ADCY10: variants seen among roughly 807,000 people sequenced by gnomAD.
ADCY10 encodes the protein adenylate cyclase 10.
ADCY10 carries 156 observed loss-of-function variants against 183.3 expected under a neutral mutation model. The ratio of observed to expected loss-of-function variants is 0.85; its 90% CI spans 0.75 to 0.97. ADCY10 has a LOEUF of 0.97. Ranked by LOEUF, ADCY10 falls within the 50% of genes least tolerant of loss-of-function variation. The probability of loss-of-function intolerance (pLI) is 0.00; values close to 1 mark genes in which losing one functional copy is unlikely to be tolerated. For synonymous variants in ADCY10, 645 were observed against 670.0 expected (o/e 0.96, Z 0.58); for missense variants, 1,745 against 1,934.3 (o/e 0.90, Z 1.84).
Position 167,836,430 on chromosome 1 carries a change from A to T in ADCY10, c.3188T>A (p.Ile1063Asn). The change falls in exon 23 of 33, where the codon ATC becomes AAC. Residue 1063 changes from isoleucine (I) to asparagine (N), a missense_variant. Coordinates refer to ENST00000367851, the MANE Select transcript of ADCY10 (RefSeq NM_018417.6). ...CAGAGGCAAGATGACAATCTCTAGG[A>T]TTTCTTCACACTGGCAAGATTCCAG... ...IPLESCQCEE[I>N]LEIVILPLAH... 6.2e-7 allele frequency: 1 copy of T among 1,614,088 alleles called. No individual in the cohort carries two copies. Among genetic ancestry groups the T allele is most frequent in the East Asian group, 2.2e-5 (1 of 44,876 alleles).
intron 1 of ADCY10, among the ~76,000 whole-genome samples, chr1:167,912,080 A>G (rs144342614): frequency 6.6e-6 from 1 of 152,278 alleles, no homozygotes; most frequent in Non-Finnish European, 1.5e-5. Context: ...GTTCTGCAAC[A>G]TCACAAAATG....
At position 167,896,632 on chromosome 1, in the gene ADCY10, C is replaced by A; in HGVS notation, c.702G>T (p.Thr234=). The change falls in exon 7 of 33, where the codon ACG becomes ACT. Residue 234 remains threonine (T), a synonymous_variant. Coordinates refer to ENST00000367851, the MANE Select transcript of ADCY10 (RefSeq NM_018417.6). ...CAGAAGGATAATAATGCATGAAGGT[C>A]GTACACTTTGTGAAAAATTCATCAA... is the stretch of plus-strand genomic sequence containing the variant. ...FNFDEFFTKC[T]TFMHYYPSGE... 6.2e-7 allele frequency: 1 copy of A among 1,613,644 alleles called. No homozygotes were observed. Among genetic ancestry groups the A allele is most frequent in the South Asian group, 1.1e-5 (1 of 91,040 alleles).
At chr1:167,825,612 T>C (rs558549927) in intron 26 of ADCY10, among the ~76,000 whole-genome samples, 50 of 152,182 alleles carry the variant, frequency 3.3e-4, no homozygotes, top group African/African-American at 1.2e-3. Context: ...TGAGACCTGA[T>C]CTCTACAAAA....
In ADCY10 at chr1:167,836,518, T is replaced by A. The variant is rs756470099; in HGVS notation, c.3100A>T (p.Ile1034Phe). The change falls in exon 23 of 33, where the codon ATC becomes TTC. Residue 1034 changes from isoleucine (I) to phenylalanine (F), a missense_variant. By Grantham distance (21) the Ile-to-Phe change is conservative (BLOSUM62 0). Transcript: ENST00000367851. ...NRSPEEIREK[I>F]LNFFDHVLTK... ...AAAACGTGGTCAAAGAAATTCAAGA[T>A]CTTTTCTCTTATTTCTTCAGGACTG... The A allele has an allele frequency of 1.2e-6, 2 of 1,610,520 alleles. No homozygotes were observed. The highest frequency in any genetic ancestry group is 1.7e-6 in the Non-Finnish European group (2 of 1,176,876).
At chr1:167,841,165 C>A (rs1664608522) in intron 21 of ADCY10, among the ~76,000 whole-genome samples, 6 of 152,120 alleles carry the variant, frequency 3.9e-5, no homozygotes, top group Admixed American at 3.9e-4. Flanking sequence ...TTGTCTTGAA[C>A]TCTTGAGCTC....
Position 167,809,655 on chromosome 1 carries a change from T to G in ADCY10, c.*23A>C, listed in dbSNP as rs1662075009. ...ATAATCACAAGGACATAGTGCTTAT[T>G]AAAATCTTTTTTCTTTGACATGTTA... On this transcript the variant is annotated 3_prime_UTR_variant, in exon 33 of 33. Coordinates refer to ENST00000367851, the MANE Select transcript of ADCY10 (RefSeq NM_018417.6). 1 of 1,613,438 alleles carries G rather than the reference T, an allele frequency of 6.2e-7. No individual in the cohort carries two copies. Among genetic ancestry groups the G allele is most frequent in the Non-Finnish European group, 8.5e-7 (1 of 1,179,356 alleles).
intron 13 of ADCY10, among the ~76,000 whole-genome samples, chr1:167,871,398 G>C (rs1033842873): frequency 1.3e-5 from 2 of 152,142 alleles, no homozygotes; most frequent in African/African-American, 4.8e-5. Flanking sequence ...ACATATGCTT[G>C]CTGTAGAAAA....
At position 167,821,976 on chromosome 1, in the gene ADCY10, T is replaced by C. The variant is rs199859953; in HGVS notation, c.4286+48A>G. ...ATTTTTCAAGAACTCTTCCTTGGGA[T>C]TCAACATTTTCACTTTGGGAATTTA... On this transcript the variant is annotated intron_variant, in intron 30 of 32. Transcript: ENST00000367851. 635 of 1,266,374 alleles carry C rather than the reference T, an allele frequency of 5.0e-4. 1 individual carries two copies. Among genetic ancestry groups the C allele is most frequent in the Middle Eastern group, 3.1e-3 (17 of 5,422 alleles). The allele number at this position is 1,266,374 out of a possible 1,614,324, so 78.4% of individuals were successfully genotyped here. A position where few individuals can be genotyped will look rare whatever the true frequency, so the allele number is the denominator to read the frequency against.
chr1:167,823,808 A>G (rs1344751376), intron 28 of ADCY10, among the ~76,000 whole-genome samples: 2 of 152,096 alleles, frequency 1.3e-5, no homozygotes, highest in Non-Finnish European at 2.9e-5. Flanking sequence ...TGGGTCCTCT[A>G]TATCAGGGTG....
chr1:167,876,193 G>T (rs1034424069), intron 12 of ADCY10, among the ~76,000 whole-genome samples: 3 of 150,252 alleles, frequency 2.0e-5, no homozygotes, highest in Non-Finnish European at 4.4e-5. Context: ...AGAGACAGAG[G>T]TTGCAGTGAG....
At position 167,899,506 on chromosome 1, in the gene ADCY10, C is replaced by T. The variant is rs1669241039; in HGVS notation, c.559G>A (p.Val187Ile). 1.2e-6 allele frequency: 2 copies of T among 1,614,094 alleles called. No individual in the cohort carries two copies. The highest frequency in any genetic ancestry group is 1.1e-5 in the South Asian group (1 of 91,088). ...TGCCAGCAGTTTGGTGACAGAATAA[C>T]ATCATTCATCTGAGCCATGTTCTGG... ...LAQNMAQMNDVILSPNCWQLC... is the reference protein window; with the variant it reads ...LAQNMAQMNDIILSPNCWQLC... The change falls in exon 6 of 33, where the codon GTT becomes ATT. Residue 187 changes from valine (V) to isoleucine (I), a missense_variant. By Grantham distance (29) the Val-to-Ile change is conservative. Coordinates refer to ENST00000367851, the MANE Select transcript of ADCY10 (RefSeq NM_018417.6).
In ADCY10 at chr1:167,846,022, G is replaced by C. The variant is rs371757327; in HGVS notation, c.2679C>G (p.His893Gln). The C allele has an allele frequency of 1.2e-6, 2 of 1,614,238 alleles. No homozygotes were observed. Among genetic ancestry groups the C allele is most frequent in the Non-Finnish European group, 1.7e-6 (2 of 1,180,048 alleles). The stretch of plus-strand genomic sequence containing the variant: ...TGGGCTTCAGAGACAAGGAACGATA[G>C]TGCACCTCAAATGAGGGATCATTCT... ...LKQNDPSFEV[H>Q]YRSLSLKPSE... Residue 893 changes from histidine (H) to glutamine (Q), a missense_variant, in exon 20 of 33, where the codon CAC (histidine) becomes CAG (glutamine). Coordinates refer to ENST00000367851, the MANE Select transcript of ADCY10 (RefSeq NM_018417.6).
intron 1 of ADCY10, 84 bp from the exon 2 acceptor site, chr1:167,905,282 A>C (rs1571467281): frequency 1.9e-6 from 2 of 1,069,690 alleles, no homozygotes; most frequent in Non-Finnish European, 1.4e-6. Context: ...GTTTTGTTCT[A>C]ACCTGCGGCC....
intron 7 of ADCY10, among the ~76,000 whole-genome samples, chr1:167,894,770 T>C (rs933325639): frequency 6.6e-6 from 1 of 152,152 alleles, no homozygotes; most frequent in Admixed American, 6.6e-5. Flanking sequence ...CCCAGATTTG[T>C]AGGTAGTTGG....
At chr1:167,878,378 T>G in intron 12 of ADCY10, 68 bp downstream of exon 12, 1 of 1,547,710 alleles carries the variant, frequency 6.5e-7, no homozygotes, top group Non-Finnish European at 8.9e-7. Context: ...AATGGGTGAC[T>G]GCTTTGCTAT....
chr1:167,815,015 C>T (rs1662441231), intron 31 of ADCY10, among the ~76,000 whole-genome samples: 1 of 152,074 alleles, frequency 6.6e-6, no homozygotes, highest in African/African-American at 2.4e-5. Context: ...ATCCCAGCTA[C>T]TCGGGAGGCT....
At chr1:167,910,492 C>T (rs1224112849) in intron 1 of ADCY10, among the ~76,000 whole-genome samples, 3 of 152,082 alleles carry the variant, frequency 2.0e-5, no homozygotes, top group Non-Finnish European at 4.4e-5. Flanking sequence ...AAGTGGGGGA[C>T]ATGGGTGTGT....
chr1:167,831,515 G>T (rs966907446), intron 25 of ADCY10, among the ~76,000 whole-genome samples: 3 of 152,108 alleles, frequency 2.0e-5, no homozygotes, highest in Non-Finnish European at 4.4e-5. Flanking sequence ...CTCTTATAGG[G>T]CATTCGTGAG....
intron 16 of ADCY10, 43 bp from the exon 17 acceptor site, chr1:167,856,482 T>A (rs1665909264): frequency 6.2e-7 from 1 of 1,610,086 alleles, no homozygotes; most frequent in African/African-American, 1.3e-5. Context: ...CCATAGGACG[T>A]CAGGTTTTTT....
Sources: gnomAD v4.1 joint callset for allele counts (sites outside exome capture counted in the v4.1 genomes callset) on GRCh38, gnomAD v4.1.1 for gene constraint, MANE v1.5 for transcripts, NCBI Gene and HGNC (gene_info 2026-07-23, HGNC 2026-07-21) for gene names.